Variants in GALNT13 observed in about 807,000 individuals in gnomAD.
The protein encoded by GALNT13 is polypeptide N-acetylgalactosaminyltransferase 13, also known as UDP-GalNAc:polypeptide N-acetylgalactosaminyltransferase 13.
A neutral mutation model predicts 64.2 loss-of-function variants in GALNT13; 28 were observed. The ratio of observed to expected loss-of-function variants is 0.44; its 90% CI spans 0.32 to 0.60. The LOEUF (loss-of-function observed/expected upper bound fraction) is 0.60. Ranked by LOEUF, GALNT13 falls within the 20% of genes least tolerant of loss-of-function variation. GALNT13 has a pLI of 0.05. For missense variants in GALNT13, 577 were observed against 669.8 expected, an observed-to-expected ratio of 0.86 and a Z score of 1.53; for synonymous variants, 214 against 224.6, an observed-to-expected ratio of 0.95 and a Z score of 0.42.
intron 1 of GALNT13, among the ~76,000 whole-genome samples, chr2:153,898,207 T>C (rs1470395871): frequency 3.3e-5 from 5 of 152,162 alleles, no homozygotes; most frequent in African/African-American, 1.2e-4. Context: ...TTTATTATTC[T>C]CCAGCTTCCA....
chr2:153,844,602 C>G, the GALNT13 span, among the ~76,000 whole-genome samples: 1 of 152,236 alleles, frequency 6.6e-6, no homozygotes, highest in Admixed American at 6.5e-5. Flanking sequence ...ATTTCTCTAA[C>G]AAGTGGTTGC....
the GALNT13 span, among the ~76,000 whole-genome samples, chr2:153,607,602 A>G: frequency 6.6e-6 from 1 of 152,188 alleles, no homozygotes; most frequent in Non-Finnish European, 1.5e-5. Context: ...TTGAAAGATT[A>G]TAACTTTTAC....
intron 3 of GALNT13, among the ~76,000 whole-genome samples, chr2:153,981,063 G>C (rs1316262241): frequency 6.6e-6 from 1 of 151,926 alleles, no homozygotes; most frequent in Non-Finnish European, 1.5e-5. Context: ...AGGTATCTCA[G>C]TTCACACCCT....
intron 8 of GALNT13, among the ~76,000 whole-genome samples, chr2:154,299,918 A>G (rs539917078): frequency 3.3e-5 from 5 of 152,060 alleles, no homozygotes; most frequent in Admixed American, 6.6e-5. Context: ...AAAAAAATAG[A>G]TTTACATGAA....
chr2:153,877,566 A>G (rs1333916292), intron 1 of GALNT13, among the ~76,000 whole-genome samples: 5 of 152,104 alleles, frequency 3.3e-5, no homozygotes, highest in African/African-American at 4.8e-5. Context: ...TTTTTTGTTA[A>G]TAAAGTGGAT....
chr2:154,029,488 A>T (rs909686410), intron 3 of GALNT13, among the ~76,000 whole-genome samples: 1 of 152,176 alleles, frequency 6.6e-6, no homozygotes, highest in Non-Finnish European at 1.5e-5. Context: ...GAAGCCTGTG[A>T]TGCCAGGTAA....
intron 3 of GALNT13, among the ~76,000 whole-genome samples, chr2:153,995,354 G>T (rs1440452866): frequency 6.6e-6 from 1 of 151,948 alleles, no homozygotes; most frequent in African/African-American, 2.4e-5. Flanking sequence ...ACTCAGTGCT[G>T]TGTTATACAT....
the GALNT13 span, among the ~76,000 whole-genome samples, chr2:153,176,401 C>T: frequency 2.6e-5 from 4 of 152,014 alleles, no homozygotes; most frequent in African/African-American, 9.7e-5. Context: ...CCATCTGTTA[C>T]AGTTACTAGA....
chr2:153,927,178 A>G (rs1258481311), intron 2 of GALNT13, among the ~76,000 whole-genome samples: 1 of 152,080 alleles, frequency 6.6e-6, no homozygotes, highest in Non-Finnish European at 1.5e-5. Flanking sequence ...TTTCTTTCCA[A>G]AAATGTTTTT....
the GALNT13 span, among the ~76,000 whole-genome samples, chr2:153,692,370 A>C: frequency 1.2e-4 from 19 of 152,290 alleles, no homozygotes; most frequent in South Asian, 2.5e-3. Context: ...AAAAAACAAT[A>C]ATGAATCCCT....
At chr2:153,219,802 T>C in the GALNT13 span, among the ~76,000 whole-genome samples, 3 of 152,230 alleles carry the variant, frequency 2.0e-5, no homozygotes, top group Non-Finnish European at 4.4e-5. Context: ...GGAAATTTCA[T>C]CCTTTTCTGC....
At chr2:153,624,085 T>C in the GALNT13 span, among the ~76,000 whole-genome samples, 1 of 151,902 alleles carries the variant, frequency 6.6e-6, no homozygotes, top group Non-Finnish European at 1.5e-5. Context: ...GTTATGAGAG[T>C]GGAAGAAGAA....
At chr2:153,450,088 C>CTG in the GALNT13 span, among the ~76,000 whole-genome samples, 1 of 152,132 alleles carries the variant, frequency 6.6e-6, no homozygotes, top group Non-Finnish European at 1.5e-5. Flanking sequence ...CTTAACAAGG[C>CTG]TTCATCGTTC....
chr2:154,247,835 C>T (rs1161589665), intron 7 of GALNT13, among the ~76,000 whole-genome samples: 1 of 151,968 alleles, frequency 6.6e-6, no homozygotes, highest in Non-Finnish European at 1.5e-5. Flanking sequence ...ACAGAGAAAC[C>T]TCAGTCTTTG....
At chr2:153,712,730 G>C in the GALNT13 span, among the ~76,000 whole-genome samples, 3 of 152,246 alleles carry the variant, frequency 2.0e-5, no homozygotes, top group South Asian at 6.2e-4. Flanking sequence ...CTTTTTAAGT[G>C]TAACAGAGAC....
the GALNT13 span, among the ~76,000 whole-genome samples, chr2:153,580,610 G>A: frequency 1.3e-5 from 2 of 152,104 alleles, no homozygotes; most frequent in African/African-American, 4.8e-5. Context: ...CTACAGAGAA[G>A]AAAGAAACAA....
At chr2:153,368,289 T>C in the GALNT13 span, among the ~76,000 whole-genome samples, 3 of 152,114 alleles carry the variant, frequency 2.0e-5, no homozygotes, top group South Asian at 4.1e-4. Context: ...ATTAGTCTTC[T>C]TGTAAGAAGA....
intron 8 of GALNT13, among the ~76,000 whole-genome samples, chr2:154,281,816 C>A (rs942900449): frequency 1.3e-5 from 2 of 151,838 alleles, no homozygotes; most frequent in Non-Finnish European, 2.9e-5. Context: ...CCTTTCCGCA[C>A]CCCCACTCTG....
chr2:153,610,671 A>AAAAAAT, the GALNT13 span, among the ~76,000 whole-genome samples: 7 of 151,914 alleles, frequency 4.6e-5, no homozygotes, highest in African/African-American at 1.7e-4. Flanking sequence ...TTCTGTCTCC[A>AAAAAAT]AAAAATAAAA....
Sources: allele counts gnomAD v4.1 joint callset (sites outside exome capture counted in the v4.1 genomes callset), GRCh38; gene constraint gnomAD v4.1.1; transcripts MANE v1.5; gene names NCBI Gene and HGNC (gene_info 2026-07-23, HGNC 2026-07-21).